BMI1: variants seen among roughly 807,000 people sequenced by gnomAD.
BMI1 encodes polycomb complex protein BMI-1.
A neutral mutation model predicts 39.1 loss-of-function variants in BMI1; 9 were observed. The observed-to-expected ratio is 0.23, with a 90% confidence interval of 0.14 to 0.40. The LOEUF is 0.40. Among genes scored for constraint, BMI1 ranks in the 10% least tolerant of loss-of-function variants. The pLI, the probability that BMI1 is intolerant of heterozygous loss-of-function variation, is 1.00. For synonymous variants in BMI1, 131 were observed against 127.9 expected (o/e 1.02, Z -0.16); for missense variants, 252 against 390.8 (o/e 0.64, Z 2.99).
chr10:22,327,530 A>C, intron 3 of BMI1, 65 bp from the exon 4 acceptor site: 6 of 1,454,024 alleles, frequency 4.1e-6, no homozygotes, highest in Non-Finnish European at 4.7e-6. Flanking sequence ...AGACTATAGA[A>C]ACTTATGAAC....
At chr10:22,322,759 C>A (rs961575327) in intron 1 of BMI1, among the ~76,000 whole-genome samples, 2 of 152,182 alleles carry the variant, frequency 1.3e-5, no homozygotes, top group African/African-American at 4.8e-5. Context: ...TAAATGTCAG[C>A]ATAGGTCATT....
At position 22,330,425 on chromosome 10, in the gene BMI1, T is replaced by C. The variant is rs1171957971; in HGVS notation, c.*883T>C. On this transcript the variant is annotated 3_prime_UTR_variant, in exon 10 of 10. Transcript: ENST00000376663. ...GAATATTTTTAATGTGGATATCTAA[T>C]TCTAAAGTCTGTTCCATTAGAAGCA... 1 of 152,574 alleles carries C rather than the reference T, an allele frequency of 6.6e-6. No homozygotes were observed. Among genetic ancestry groups the C allele is most frequent in the African/African-American group, 2.4e-5 (1 of 41,470 alleles). The allele number at this position is 152,574 out of a possible 1,614,324, so 9.5% of individuals were successfully genotyped here.
At position 22,330,301 on chromosome 10, in the gene BMI1, TTG is replaced by T. The variant is rs1167410843; in HGVS notation, c.*763_*764del. On this transcript the variant is annotated 3_prime_UTR_variant, in exon 10 of 10. Transcript: ENST00000376663. ...TATTTATAAATGCTATAAAGAAATA[TTG>T]TGTTTCATGCATTCAGAAATGATTG... is the stretch of plus-strand genomic sequence containing the variant. 5 of 152,666 alleles carry T rather than the reference TTG, an allele frequency of 3.3e-5. No individual in the cohort carries two copies. The highest frequency in any genetic ancestry group is 5.9e-5 in the Non-Finnish European group (4 of 68,044). 9.5% of individuals were successfully genotyped at this position (152,666 alleles called of 1,614,324 possible).
chr10:22,328,283 A>T, intron 7 of BMI1, 104 bp downstream of exon 7: 1 of 1,314,588 alleles, frequency 7.6e-7, no homozygotes, highest in Non-Finnish European at 1.0e-6. Context: ...TAAATAGAAG[A>T]AAATGGTCAT....
At position 22,328,680 on chromosome 10, in the gene BMI1, C is replaced by G; in HGVS notation, c.552C>G (p.Asp184Glu). The G allele has an allele frequency of 4.4e-6, 7 of 1,604,268 alleles. No individual in the cohort carries two copies. Among genetic ancestry groups the G allele is most frequent in the Non-Finnish European group, 6.0e-6 (7 of 1,175,706 alleles). Residue 184 changes from aspartate (D) to glutamate (E), a missense_variant, in exon 8 of 10, where the codon GAC becomes GAG. Coordinates refer to ENST00000376663, the MANE Select transcript of BMI1 (RefSeq NM_005180.9). Reference sequence around the variant, plus strand: ...GAAAGTTTCTCAGAAGTAAAATGGACATACCTAATACTTTCCAGGTATCTA... The same window carrying G: ...GAAAGTTTCTCAGAAGTAAAATGGAGATACCTAATACTTTCCAGGTATCTA... ...HLRKFLRSKM[D>E]IPNTFQIDVM...
rs777934034 is a variant in BMI1, at chr10:22,330,400, G to T, written c.*858G>T. The T allele has an allele frequency of 1.3e-5, 2 of 152,632 alleles. No individual in the cohort carries two copies. Among genetic ancestry groups the T allele is most frequent in the African/African-American group, 2.4e-5 (1 of 41,476 alleles). 9.5% of individuals were successfully genotyped at this position (152,632 alleles called of 1,614,324 possible). On this transcript the variant is annotated 3_prime_UTR_variant, in exon 10 of 10. Coordinates refer to ENST00000376663, the MANE Select transcript of BMI1 (RefSeq NM_005180.9). Reference sequence around the variant, plus strand: ...ATGTTGAGCCTTGCTTACCAGCAAAGAATATTTTTAATGTGGATATCTAAT... The same window carrying T: ...ATGTTGAGCCTTGCTTACCAGCAAATAATATTTTTAATGTGGATATCTAAT...
intron 8 of BMI1, 56 bp downstream of exon 8, chr10:22,328,754 AT>A: frequency 1.3e-6 from 2 of 1,502,654 alleles, no homozygotes; most frequent in African/African-American, 1.4e-5. Flanking sequence ...TTTTAATTAC[AT>A]TTTTCACTTT....
chr10:22,321,879 C>T (rs868268863), intron 1 of BMI1, among the ~76,000 whole-genome samples, 183 bp downstream of exon 1: 1 of 143,340 alleles, frequency 7.0e-6, no homozygotes, highest in Non-Finnish European at 1.6e-5. Context: ...CCTGCCGGCC[C>T]CGCGCGCCGC....
chr10:22,327,733 C>G lies in BMI1; in HGVS notation c.266-9C>G, dbSNP rs1202681679. On this transcript the variant is annotated splice_polypyrimidine_tract_variant and intron_variant, in intron 4 of 9. Coordinates refer to ENST00000376663, the MANE Select transcript of BMI1 (RefSeq NM_005180.9). ...ATGCCAAATGTTTACATCTTTTTTCCCCATTCAGATGAAATGAAGAGAAGA... is the reference window on the plus strand; with the variant it reads ...ATGCCAAATGTTTACATCTTTTTTCGCCATTCAGATGAAATGAAGAGAAGA... The G allele has an allele frequency of 1.2e-6, 2 of 1,613,224 alleles. No homozygotes were observed. The highest frequency in any genetic ancestry group is 2.2e-5 in the East Asian group (1 of 44,758).
chr10:22,327,866 T>G (rs1836194268), intron 5 of BMI1, 74 bp downstream of exon 5: 2 of 1,598,478 alleles, frequency 1.3e-6, no homozygotes, highest in Admixed American at 3.5e-5. Flanking sequence ...GTATTAAAAT[T>G]GACTTTACCA....
At position 22,328,163 on chromosome 10, in the gene BMI1, A is replaced by G; in HGVS notation, c.455A>G (p.Glu152Gly). The change falls in exon 7 of 10, where the codon GAG becomes GGG. Residue 152 changes from glutamate to glycine, a missense_variant. Physicochemically the swap from Glu to Gly is moderately conservative, Grantham distance 98 (BLOSUM62 -2). Around this residue, in one of 4 missense-constraint regions of BMI1, gnomAD observed 67 missense variants for 69.9 expected, o/e 0.96. Transcript: ENST00000376663. ...GATCGGAAAGTAAACAAAGACAAAG[A>G]GAAATCTAAGGAGGAGGTATGTTTC... is the stretch of plus-strand genomic sequence containing the variant. ...RLDRKVNKDKEKSKEEVNDKR... is the reference protein window; with the variant it reads ...RLDRKVNKDKGKSKEEVNDKR... 6.2e-7 allele frequency: 1 copy of G among 1,601,036 alleles called. No homozygotes were observed. Among genetic ancestry groups the G allele is most frequent in the South Asian group, 1.1e-5 (1 of 87,660 alleles).
intron 1 of BMI1, among the ~76,000 whole-genome samples, chr10:22,323,468 C>T (rs1178633223): frequency 2.0e-5 from 3 of 152,208 alleles, no homozygotes; most frequent in South Asian, 2.1e-4. Flanking sequence ...TCCATTAATA[C>T]TCTATCACTA....
intron 1 of BMI1, chr10:22,322,155 C>G (rs958328783): frequency 6.6e-6 from 1 of 152,008 alleles, no homozygotes; most frequent in Admixed American, 6.5e-5. Context: ...CCGGCCGCAG[C>G]GCCCTTTGTT....
At chr10:22,327,485 C>T (rs1836185808) in intron 3 of BMI1, 110 bp from the exon 4 acceptor site, 1 of 1,100,068 alleles carries the variant, frequency 9.1e-7, no homozygotes, top group Non-Finnish European at 1.3e-6. Context: ...TTATAGACAG[C>T]ATCACAATCA....
chr10:22,326,737 G>A, intron 2 of BMI1, 153 bp from the exon 3 acceptor site: 1 of 1,294,792 alleles, frequency 7.7e-7, no homozygotes, highest in South Asian at 1.5e-5. Flanking sequence ...TGTATTACAA[G>A]CATGCAATAT....
In BMI1 at chr10:22,331,224, G is replaced by GA. The variant is rs1252501894; in HGVS notation, c.*1688dup. 2.6e-5 allele frequency: 4 copies of GA among 152,338 alleles called. No homozygotes were observed. Among genetic ancestry groups the GA allele is most frequent in the Admixed American group, 6.6e-5 (1 of 15,256 alleles). The allele number at this position is 152,338 out of a possible 1,614,324, so 9.4% of individuals were successfully genotyped here. ...TAAAATGAAATTTCATTTGTAATTG[G>GA]AAAAAATCCAATAAAAAGGATATTC... On this transcript the variant is annotated 3_prime_UTR_variant, in exon 10 of 10. Transcript: ENST00000376663.
chr10:22,326,424 C>T lies in BMI1; in HGVS notation c.-19-7C>T. Reference sequence around the variant, plus strand: ...TGAATTATGGCCATTATTTCTGTGTCTTGCAGGATTTTTTATCAAGCAGAA... The same window carrying T: ...TGAATTATGGCCATTATTTCTGTGTTTTGCAGGATTTTTTATCAAGCAGAA... On this transcript the variant is annotated splice_polypyrimidine_tract_variant and splice_region_variant and intron_variant, in intron 1 of 9. Coordinates refer to ENST00000376663, the MANE Select transcript of BMI1 (RefSeq NM_005180.9). The T allele has an allele frequency of 6.2e-7, 1 of 1,610,814 alleles. No homozygotes were observed. Among genetic ancestry groups the T allele is most frequent in the South Asian group, 1.1e-5 (1 of 91,050 alleles).
At chr10:22,326,836 T>C in intron 2 of BMI1, 54 bp from the exon 3 acceptor site, 2 of 1,594,842 alleles carry the variant, frequency 1.3e-6, no homozygotes, top group South Asian at 1.1e-5. Flanking sequence ...CTAACACCAA[T>C]GATTTATCCA....
chr10:22,322,064 TC>T, intron 1 of BMI1: 1 of 150,414 alleles, frequency 6.6e-6, no homozygotes, highest in Non-Finnish European at 1.5e-5. Context: ...AGTTCCCCGC[TC>T]CCCCGGGCGC....
Sources: gnomAD v4.1 joint callset for allele counts (sites outside exome capture counted in the v4.1 genomes callset) on GRCh38, gnomAD v4.1.1 for gene constraint, gnomAD v4.1.1 regional missense constraint, MANE v1.5 for transcripts, NCBI Gene and HGNC (gene_info 2026-07-23, HGNC 2026-07-21) for gene names.